Variants in NMT1 observed in about 807,000 individuals in gnomAD.
NMT1 encodes glycylpeptide N-tetradecanoyltransferase 1.
NMT1 carries 12 observed loss-of-function variants against 63.4 expected under a neutral mutation model. The observed-to-expected ratio is 0.19, with a 90% CI of 0.12 to 0.31. NMT1 has a LOEUF of 0.31. NMT1 is among the 10% of genes least tolerant of loss of function. The pLI, the probability that NMT1 is intolerant of heterozygous loss-of-function variation, is 1.00. For synonymous variants in NMT1, 228 were observed against 234.3 expected (o/e 0.97, Z 0.25); for missense variants, 432 against 634.6 (o/e 0.68, Z 3.43).
intron 8 of NMT1, among the ~76,000 whole-genome samples, chr17:45,101,617 CAAAAA>C (rs748973404): frequency 5.6e-5 from 3 of 53,368 alleles, no homozygotes; most frequent in Non-Finnish European, 9.6e-5. Context: ...GACTCCGTCG[CAAAAA>C]AAAAAAAAAA....
At chr17:45,074,684 G>T (rs1359670890) in intron 1 of NMT1, among the ~76,000 whole-genome samples, 2 of 152,122 alleles carry the variant, frequency 1.3e-5, no homozygotes, top group African/African-American at 4.8e-5. Context: ...GGGGGAGGAG[G>T]CACTTCTGTT....
At chr17:45,078,310 C>T (rs1199230814) in intron 1 of NMT1, among the ~76,000 whole-genome samples, 1 of 152,062 alleles carries the variant, frequency 6.6e-6, no homozygotes, top group Non-Finnish European at 1.5e-5. Flanking sequence ...TCAGGTGATG[C>T]AGAAAGATTG....
In NMT1 at chr17:45,072,684, C is replaced by T. The variant is rs112174108; in HGVS notation, c.132-8960C>T. 5.5e-3 allele frequency among the ~76,000 whole-genome samples: 828 copies of T among 151,846 alleles called. 6 individuals are homozygous for T. Among genetic ancestry groups the T allele is most frequent in the African/African-American group, 0.019 (799 of 41,430 alleles). ...ACGCCATTCTCCTGCCTCAGCCTCC[C>T]GAGTAGCTGGGACTACAGGCGCCCG... On this transcript the variant is annotated intron_variant, in intron 1 of 11. Transcript: ENST00000258960.
In NMT1 at chr17:45,096,244, C is replaced by T. The variant is rs776474941; in HGVS notation, c.555C>T (p.Asp185=). The T allele has an allele frequency of 2.1e-5, 34 of 1,614,018 alleles. No individual in the cohort carries two copies. Among genetic ancestry groups the T allele is most frequent in the Non-Finnish European group, 2.9e-5 (34 of 1,179,984 alleles). ...ATGAGAACTATGTGGAAGATGATGA[C>T]AACATGTTCCGATTTGATTATTCCC... ...LLNENYVEDD[D]NMFRFDYSPE... is the part of the protein sequence containing the mutation. The change falls in exon 5 of 12, where the codon GAC becomes GAT. Residue 185 remains aspartate (D), a synonymous_variant. Transcript: ENST00000258960.
intron 1 of NMT1, among the ~76,000 whole-genome samples, chr17:45,064,468 G>A (rs2053888653): frequency 6.6e-6 from 1 of 152,198 alleles, no homozygotes; most frequent in Non-Finnish European, 1.5e-5. Flanking sequence ...TTGGGGAGAA[G>A]CAGCAATGTG....
chr17:45,096,636 A>G (rs2054126605), intron 5 of NMT1, among the ~76,000 whole-genome samples: 1 of 152,224 alleles, frequency 6.6e-6, no homozygotes, highest in South Asian at 2.1e-4. Context: ...TCAGTTGTAT[A>G]GCCTTGCCTG....
intron 1 of NMT1, among the ~76,000 whole-genome samples, chr17:45,065,945 C>G (rs2053900048): frequency 6.6e-6 from 1 of 151,300 alleles, no homozygotes; most frequent in Non-Finnish European, 1.5e-5. Flanking sequence ...CTCCTGGGTT[C>G]AAGTGATCCT....
At chr17:45,096,086 T>C (rs1238364004) in intron 4 of NMT1, 108 bp from the exon 5 acceptor site, 1 of 814,240 alleles carries the variant, frequency 1.2e-6, no homozygotes, top group Non-Finnish European at 2.1e-6. Flanking sequence ...CTCCACGTCG[T>C]TTTTGGTAGT....
At position 45,104,218 on chromosome 17, in the gene NMT1, T is replaced by A; in HGVS notation, c.1332+342T>A. 8.1e-7 allele frequency: 1 copy of A among 1,227,768 alleles called. No individual in the cohort carries two copies. The highest frequency in any genetic ancestry group is 1.0e-6 in the Non-Finnish European group (1 of 968,200). The allele number at this position is 1,227,768 out of a possible 1,614,324, so 76.1% of individuals were successfully genotyped here. On this transcript the variant is annotated intron_variant, in intron 10 of 11. Coordinates refer to ENST00000258960, the MANE Select transcript of NMT1 (RefSeq NM_021079.5). This position sits in a 1 kb window ranked among gnomAD's most constrained non-coding sequence, Gnocchi z 4.2. The stretch of plus-strand genomic sequence containing the variant: ...GCGTGGGAAAGGGGTGATTGCTGTC[T>A]GTCGTGGTGAGTCATTGGAGCATCC...
At chr17:45,098,661 G>GT in intron 7 of NMT1, 109 bp downstream of exon 7, 2 of 1,059,900 alleles carry the variant, frequency 1.9e-6, no homozygotes, top group East Asian at 2.5e-5. Flanking sequence ...CACCTCTGGC[G>GT]TATCTGGTAA....
At position 45,103,110 on chromosome 17, in the gene NMT1, T is replaced by G; in HGVS notation, c.1153T>G (p.Phe385Val). The G allele has an allele frequency of 1.2e-6, 2 of 1,608,366 alleles. No homozygotes were observed. Among genetic ancestry groups the G allele is most frequent in the Non-Finnish European group, 1.7e-6 (2 of 1,175,222 alleles). ...FYPQENIIDT[F>V]VVENANGEVT... ...CCCCCAGGAGAATATCATCGACACT[T>G]TCGTGGTGGAGGTGAGTCAGGGAGT... is the stretch of plus-strand genomic sequence containing the variant. The change falls in exon 9 of 12, where the codon TTC (phenylalanine) becomes GTC (valine). Residue 385 changes from phenylalanine (F) to valine (V), a missense_variant. This residue lies in a region of NMT1 where 295 missense variants were observed against 489.7 expected (regional missense o/e 0.60). Coordinates refer to ENST00000258960, the MANE Select transcript of NMT1 (RefSeq NM_021079.5). The surrounding 1 kb of genome is among the most constrained non-coding windows in gnomAD (Gnocchi z 4.8).
chr17:45,096,698 C>A (rs992578592), intron 5 of NMT1, among the ~76,000 whole-genome samples: 10 of 152,180 alleles, frequency 6.6e-5, no homozygotes, highest in African/African-American at 2.4e-4. Flanking sequence ...AAGAGAGAGG[C>A]ATGGGCCGAA....
chr17:45,073,341 C>G (rs939393556), intron 1 of NMT1, among the ~76,000 whole-genome samples: 1 of 151,888 alleles, frequency 6.6e-6, no homozygotes, highest in African/African-American at 2.4e-5. Flanking sequence ...TCGCTTGAAC[C>G]CAGGAGGCGG....
chr17:45,067,250 G>A (rs553878922), intron 1 of NMT1, among the ~76,000 whole-genome samples: 204 of 152,050 alleles, frequency 1.3e-3, no homozygotes, highest in South Asian at 9.3e-3. Flanking sequence ...TTAATTTGGG[G>A]GTAATAAGTG....
intron 3 of NMT1, among the ~76,000 whole-genome samples, chr17:45,089,533 G>C (rs1464955894): frequency 1.3e-5 from 2 of 152,090 alleles, no homozygotes; most frequent in African/African-American, 2.4e-5. Context: ...GTAGAGACAG[G>C]GTTTCACCAT....
rs1236208595 is a variant in NMT1 at position 45,109,012 on chromosome 17, CA to C, written c.*3377del. On this transcript the variant is annotated 3_prime_UTR_variant, in exon 12 of 12. Coordinates refer to ENST00000258960, the MANE Select transcript of NMT1 (RefSeq NM_021079.5). ...GTTTCTAATAAAGAAAGCAGCTGAA[CA>C]AAACCTTCTGTCCTGGTATTCCTGG... is the stretch of plus-strand genomic sequence containing the variant. The C allele has an allele frequency of 6.6e-6, 1 of 152,612 alleles. No individual in the cohort carries two copies. Among genetic ancestry groups the C allele is most frequent in the African/African-American group, 2.4e-5 (1 of 41,442 alleles). The allele number at this position is 152,612 out of a possible 1,614,324, so 9.5% of individuals were successfully genotyped here.
At chr17:45,092,207 T>C (rs1490342318) in intron 3 of NMT1, among the ~76,000 whole-genome samples, 1 of 152,044 alleles carries the variant, frequency 6.6e-6, no homozygotes, top group Admixed American at 6.6e-5. Flanking sequence ...AGATGGTATG[T>C]CTCATGAGGA....
At chr17:45,090,604 A>G (rs528069517) in intron 3 of NMT1, among the ~76,000 whole-genome samples, 1 of 152,034 alleles carries the variant, frequency 6.6e-6, no homozygotes, top group African/African-American at 2.4e-5. Context: ...GTTTGGTTTA[A>G]TGTTTTCCGC....
chr17:45,097,357 A>C, intron 6 of NMT1, 113 bp downstream of exon 6: 2 of 835,430 alleles, frequency 2.4e-6, no homozygotes. Flanking sequence ...GGAAGGTCTC[A>C]GGAAGGGAGG....
Sources: allele counts gnomAD v4.1 joint callset (sites outside exome capture counted in the v4.1 genomes callset), GRCh38; gene constraint gnomAD v4.1.1; regional missense constraint gnomAD v4.1.1; non-coding constraint Gnocchi (gnomAD v3.1); transcripts MANE v1.5; gene names NCBI Gene and HGNC (gene_info 2026-07-23, HGNC 2026-07-21).